The following LRP1B variants were observed in gnomAD, a reference collection of about 807,000 sequenced individuals.
The protein encoded by LRP1B is low-density lipoprotein receptor-related protein 1B.
LRP1B carries 217 observed loss-of-function variants against 556.6 expected under a neutral mutation model. The observed-to-expected ratio is 0.39, with a 90% confidence interval of 0.35 to 0.44. The LOEUF (loss-of-function observed/expected upper bound fraction) is 0.44. LRP1B is among the 20% of genes least tolerant of loss of function. The pLI, the probability that LRP1B is intolerant of heterozygous loss-of-function variation, is 1.00. For missense variants in LRP1B, 5,053 were observed against 5,620.8 expected, an observed-to-expected ratio of 0.90 and a Z score of 3.23; for synonymous variants, 2,047 against 1,865.8, an observed-to-expected ratio of 1.10 and a Z score of -2.50.
At chr2:140,827,648 A>C (rs58742733) in intron 31 of LRP1B, among the ~76,000 whole-genome samples, 2,859 of 152,222 alleles carry the variant, frequency 0.019, 127 homozygotes, top group East Asian at 0.17. Context: ...TGTAAATCTA[A>C]GAGTTATTAG....
intron 1 of LRP1B, among the ~76,000 whole-genome samples, chr2:142,053,394 G>A (rs1032911397): frequency 6.6e-6 from 1 of 152,026 alleles, no homozygotes; most frequent in Admixed American, 6.6e-5. Flanking sequence ...AATGTTCACA[G>A]CTATAAAATA....
In LRP1B at chr2:140,701,850, C is replaced by A. The variant is rs2105426688; in HGVS notation, c.6303-5G>T. On this transcript the variant is annotated splice_region_variant and splice_polypyrimidine_tract_variant and intron_variant, in intron 39 of 90. Transcript: ENST00000389484. ...ACAGACCCGTTTGCATGTGCTCTGCCAAAAAGTTGAACATACATGATCAAC... is the reference window on the plus strand; with the variant it reads ...ACAGACCCGTTTGCATGTGCTCTGCAAAAAAGTTGAACATACATGATCAAC... The A allele has an allele frequency of 6.2e-7, 1 of 1,611,680 alleles. No homozygotes were observed. The highest frequency in any genetic ancestry group is 8.5e-7 in the Non-Finnish European group (1 of 1,178,944).
chr2:142,004,922 T>C (rs1702756867), intron 1 of LRP1B, among the ~76,000 whole-genome samples: 1 of 151,670 alleles, frequency 6.6e-6, no homozygotes, highest in African/African-American at 2.4e-5. Flanking sequence ...TACAGCTAAT[T>C]GTACATTTTT....
chr2:140,997,127 A>C (rs1005430246), intron 15 of LRP1B, among the ~76,000 whole-genome samples: 3 of 151,966 alleles, frequency 2.0e-5, no homozygotes, highest in Non-Finnish European at 4.4e-5. Flanking sequence ...GTAATAAATA[A>C]TCCTATAATT....
intron 53 of LRP1B, among the ~76,000 whole-genome samples, chr2:140,503,572 G>T (rs1161425558): frequency 6.6e-6 from 1 of 151,974 alleles, no homozygotes; most frequent in African/African-American, 2.4e-5. Context: ...TTGTTAAAAT[G>T]AGAAAAATTT....
chr2:140,475,992 TG>T (rs1687958154), intron 59 of LRP1B, among the ~76,000 whole-genome samples: 1 of 151,974 alleles, frequency 6.6e-6, no homozygotes, highest in African/African-American at 2.4e-5. Context: ...ATTTACATTA[TG>T]TTATTAGAAG....
rs188642348 is a variant in LRP1B, at chr2:140,571,280, A to C, written c.7194+27351T>G. 2.6e-4 allele frequency among the ~76,000 whole-genome samples: 39 copies of C among 151,880 alleles called. 1 individual carries two copies. The highest frequency in any genetic ancestry group is 1.3e-4 in the Non-Finnish European group (9 of 67,726). Reference sequence around the variant, plus strand: ...GGAAACCCTAAAAGCTCCACCAAAAAACTCTTATAACTGATAAATAATTTA... The same window carrying C: ...GGAAACCCTAAAAGCTCCACCAAAACACTCTTATAACTGATAAATAATTTA... On this transcript the variant is annotated intron_variant, in intron 43 of 90. Transcript: ENST00000389484.
intron 17 of LRP1B, among the ~76,000 whole-genome samples, chr2:140,986,932 G>A (rs752341741): frequency 1.1e-4 from 17 of 152,078 alleles, no homozygotes; most frequent in Non-Finnish European, 1.2e-4. Flanking sequence ...ACAGGATGGC[G>A]GATTCAATAA....
At position 140,234,932 on chromosome 2, in the gene LRP1B, C is replaced by G. The variant is rs1221347684; in HGVS notation, c.13561-48G>C. 5.4e-6 allele frequency: 4 copies of G among 740,446 alleles called. No homozygotes were observed. In the African/African-American group the frequency reaches 7.0e-5, roughly 13 times the overall value. 45.9% of individuals were successfully genotyped at this position (740,446 alleles called of 1,614,324 possible). A position where few individuals can be genotyped will look rare whatever the true frequency, so the allele number is the denominator to read the frequency against. On this transcript the variant is annotated intron_variant, in intron 89 of 90. Transcript: ENST00000389484. ...AGTTTCTGATCTAATATTATAGAAT[C>G]ACTTTTCATCGATACATATCATGTT... is the stretch of plus-strand genomic sequence containing the variant.
At chr2:140,694,626 C>A (rs1462540417) in intron 41 of LRP1B, among the ~76,000 whole-genome samples, 1 of 152,148 alleles carries the variant, frequency 6.6e-6, no homozygotes, top group Non-Finnish European at 1.5e-5. Flanking sequence ...GTCATTATCA[C>A]TTTGAGTATT....
intron 2 of LRP1B, among the ~76,000 whole-genome samples, chr2:141,749,515 T>C (rs903588448): frequency 7.9e-5 from 12 of 152,146 alleles, no homozygotes; most frequent in African/African-American, 2.7e-4. Context: ...ATGATAGGAA[T>C]ACTTTCATCA....
chr2:140,722,813 G>T (rs562635981), intron 35 of LRP1B, among the ~76,000 whole-genome samples: 1 of 152,298 alleles, frequency 6.6e-6, no homozygotes, highest in South Asian at 2.1e-4. Context: ...GGAGGCCGAG[G>T]CAGGAGGATC....
intron 87 of LRP1B, 60 bp downstream of exon 87, chr2:140,247,026 G>A: frequency 8.4e-7 from 1 of 1,194,234 alleles, no homozygotes; most frequent in Non-Finnish European, 1.2e-6. Context: ...ACTCAATAAT[G>A]ACATAACAAT....
chr2:140,797,519 CGTT>C (rs1348010867), intron 32 of LRP1B, among the ~76,000 whole-genome samples: 2 of 151,666 alleles, frequency 1.3e-5, no homozygotes, highest in African/African-American at 4.8e-5. Flanking sequence ...ATAATAGTAA[CGTT>C]GGGTATAATA....
rs576713089 is a variant in LRP1B at position 140,981,238 on chromosome 2, C to G, written c.2887+922G>C. Among the ~76,000 whole-genome samples, 5 of 151,858 alleles carry G rather than the reference C, an allele frequency of 3.3e-5. No individual in the cohort carries two copies. In the East Asian group the frequency reaches 9.7e-4, roughly 29 times the overall value. On this transcript the variant is annotated intron_variant, in intron 18 of 90. Coordinates refer to ENST00000389484, the MANE Select transcript of LRP1B (RefSeq NM_018557.3). Reference sequence around the variant, plus strand: ...CCAAAAACCACCTGTACCTCCAAAACTATTGGAATTTTAAAAAAGAAAAAT... The same window carrying G: ...CCAAAAACCACCTGTACCTCCAAAAGTATTGGAATTTTAAAAAAGAAAAAT...
chr2:141,176,061 C>T (rs186245194), intron 7 of LRP1B, among the ~76,000 whole-genome samples: 20 of 152,172 alleles, frequency 1.3e-4, no homozygotes, highest in Non-Finnish European at 2.2e-4. Flanking sequence ...TTACCCAATG[C>T]CTGTACCTCC....
intron 29 of LRP1B, among the ~76,000 whole-genome samples, chr2:140,846,656 C>T (rs1234856645): frequency 3.3e-5 from 5 of 152,156 alleles, no homozygotes; most frequent in African/African-American, 9.6e-5. Flanking sequence ...TTGAAGCTGA[C>T]CCCACATTAT....
At chr2:140,424,198 T>C (rs1456791559) in intron 66 of LRP1B, among the ~76,000 whole-genome samples, 1 of 152,190 alleles carries the variant, frequency 6.6e-6, no homozygotes, top group Non-Finnish European at 1.5e-5. Context: ...TAATTTGGCA[T>C]AGATCTTTTT....
At chr2:141,253,907 T>C (rs1684363634) in intron 4 of LRP1B, among the ~76,000 whole-genome samples, 2 of 152,000 alleles carry the variant, frequency 1.3e-5, no homozygotes, top group Admixed American at 1.3e-4. Context: ...TTTAACTTTG[T>C]GGATATGTTA....
Sources: allele counts gnomAD v4.1 joint callset (sites outside exome capture counted in the v4.1 genomes callset), GRCh38; gene constraint gnomAD v4.1.1; transcripts MANE v1.5; gene names NCBI Gene and HGNC (gene_info 2026-07-23, HGNC 2026-07-21).